Variants in CSMD1 observed in about 807,000 individuals in gnomAD.
CSMD1 encodes the protein CUB and sushi domain-containing protein 1.
Under a neutral mutation model 417.5 loss-of-function variants are expected in CSMD1, and 213 were observed. The observed-to-expected ratio is 0.51, with a 90% CI of 0.46 to 0.57. CSMD1 has a LOEUF of 0.57. CSMD1 is among the 20% of genes least tolerant of loss of function. The pLI, the probability that CSMD1 is intolerant of heterozygous loss-of-function variation, is 0.00. For synonymous variants in CSMD1, 2,862 were observed against 1,736.8 expected, an observed-to-expected ratio of 1.65 and a Z score of -16.11; for missense variants, 6,923 against 4,529.7, an observed-to-expected ratio of 1.53 and a Z score of -15.17.
In CSMD1 at chr8:3,691,154, G is replaced by C. The variant is rs550921856; in HGVS notation, c.1009+17260C>G. ...GGCCGGGGCAGGCGGATCACCTGAG[G>C]TCAGGAGTTTGAGACCAGCGTGACC... On this transcript the variant is annotated intron_variant, in intron 7 of 69. Coordinates refer to ENST00000635120, the MANE Select transcript of CSMD1 (RefSeq NM_033225.6). 2.0e-5 allele frequency among the ~76,000 whole-genome samples: 3 copies of C among 152,110 alleles called. No individual in the cohort carries two copies. In the South Asian group the frequency reaches 6.2e-4, roughly 32 times the overall value.
intron 2 of CSMD1, among the ~76,000 whole-genome samples, chr8:4,578,980 T>G (rs1799279096): frequency 6.6e-6 from 1 of 152,024 alleles, no homozygotes; most frequent in African/African-American, 2.4e-5. Context: ...AAACAGCATC[T>G]TTTCATTAAT....
intron 15 of CSMD1, among the ~76,000 whole-genome samples, chr8:3,405,311 A>C (rs1205124756): frequency 6.6e-6 from 1 of 152,246 alleles, no homozygotes; most frequent in African/African-American, 2.4e-5. Context: ...TACTCTAAGT[A>C]AACATTTTTA....
At chr8:3,711,284 A>C (rs9942729) in intron 6 of CSMD1, among the ~76,000 whole-genome samples, 2 of 152,028 alleles carry the variant, frequency 1.3e-5, no homozygotes, top group Non-Finnish European at 2.9e-5. Context: ...AGCCATGAAT[A>C]GACCACAGGG....
intron 6 of CSMD1, among the ~76,000 whole-genome samples, chr8:3,745,617 A>C (rs1183024915): frequency 1.3e-5 from 2 of 152,008 alleles, no homozygotes; most frequent in Non-Finnish European, 2.9e-5. Context: ...CATTCTGAGC[A>C]CTCCACTGAG....
At chr8:2,972,553 T>A (rs1186754468) in intron 57 of CSMD1, among the ~76,000 whole-genome samples, 1 of 152,178 alleles carries the variant, frequency 6.6e-6, no homozygotes, top group Admixed American at 6.5e-5. Context: ...CTATAAGGTG[T>A]CCGTGGCTAT....
At chr8:3,215,374 G>C (rs1387443293) in intron 29 of CSMD1, among the ~76,000 whole-genome samples, 1 of 152,204 alleles carries the variant, frequency 6.6e-6, no homozygotes, top group African/African-American at 2.4e-5. Flanking sequence ...TTCTACCTTA[G>C]TTAAAATAAT....
At chr8:3,649,476 G>T (rs1321877536) in intron 7 of CSMD1, among the ~76,000 whole-genome samples, 1 of 152,138 alleles carries the variant, frequency 6.6e-6, no homozygotes, top group Non-Finnish European at 1.5e-5. Context: ...CATCATGGCT[G>T]GGGAGGCCTC....
chr8:4,323,476 G>C (rs564364529), intron 3 of CSMD1, among the ~76,000 whole-genome samples: 1 of 114,606 alleles, frequency 8.7e-6, no homozygotes, highest in South Asian at 2.5e-4. Flanking sequence ...TACATAATGG[G>C]ACTAGGGCTT....
chr8:4,694,438 GC>G (rs994006231), intron 1 of CSMD1, among the ~76,000 whole-genome samples: 4 of 151,866 alleles, frequency 2.6e-5, no homozygotes, highest in Non-Finnish European at 5.9e-5. Flanking sequence ...TGCAACCCCT[GC>G]CTCCCGGATT....
intron 3 of CSMD1, among the ~76,000 whole-genome samples, chr8:4,179,394 G>C (rs895060364): frequency 6.6e-6 from 1 of 152,104 alleles, no homozygotes; most frequent in African/African-American, 2.4e-5. Context: ...GCTGAAGCTG[G>C]ATCCCTTCCT....
chr8:4,287,842 G>C (rs1033571463), intron 3 of CSMD1, among the ~76,000 whole-genome samples: 2 of 151,954 alleles, frequency 1.3e-5, no homozygotes, highest in African/African-American at 4.8e-5. Flanking sequence ...AGTGGGAGAA[G>C]TGCCTCCCCT....
intron 1 of CSMD1, among the ~76,000 whole-genome samples, chr8:4,837,389 C>G (rs367621821): frequency 2.0e-4 from 30 of 152,250 alleles, no homozygotes; most frequent in African/African-American, 7.0e-4. Context: ...GGTACATAGA[C>G]ACCATGGAGT....
At chr8:3,727,241 G>T (rs746303712) in intron 6 of CSMD1, among the ~76,000 whole-genome samples, 2 of 152,178 alleles carry the variant, frequency 1.3e-5, no homozygotes, top group Non-Finnish European at 2.9e-5. Context: ...ATTATCACAA[G>T]AGGAAAACTA....
At chr8:4,265,213 T>A (rs1804165020) in intron 3 of CSMD1, among the ~76,000 whole-genome samples, 1 of 151,938 alleles carries the variant, frequency 6.6e-6, no homozygotes, top group Admixed American at 6.6e-5. Flanking sequence ...TATTTAAAAA[T>A]TATTTAGTTA....
At chr8:4,512,748 T>C (rs11786720) in intron 2 of CSMD1, among the ~76,000 whole-genome samples, 26,891 of 151,458 alleles carry the variant, frequency 0.18, 2,529 homozygotes, top group Middle Eastern at 0.22. Context: ...ACAAAATGTA[T>C]ATGAAGAACT....
chr8:4,707,114 A>C (rs957797025), intron 1 of CSMD1, among the ~76,000 whole-genome samples: 1 of 152,212 alleles, frequency 6.6e-6, no homozygotes, highest in South Asian at 2.1e-4. Context: ...GCAGATACTA[A>C]ATACAGCCAG....
chr8:2,997,618 G>A (rs1807023092), intron 54 of CSMD1, among the ~76,000 whole-genome samples: 1 of 152,088 alleles, frequency 6.6e-6, no homozygotes, highest in Non-Finnish European at 1.5e-5. Context: ...TACGTTTAAA[G>A]AAATGAATCA....
At chr8:3,826,530 G>C (rs552577194) in intron 5 of CSMD1, among the ~76,000 whole-genome samples, 16 of 152,170 alleles carry the variant, frequency 1.1e-4, no homozygotes, top group African/African-American at 3.6e-4. Flanking sequence ...CAGATGTTCT[G>C]TCTTCCAAGT....
chr8:3,600,255 G>A (rs1221472573), intron 8 of CSMD1, among the ~76,000 whole-genome samples: 1 of 152,118 alleles, frequency 6.6e-6, no homozygotes, highest in Non-Finnish European at 1.5e-5. Context: ...GTATAAATAG[G>A]AAGCTTAGGT....
Sources: allele counts gnomAD v4.1 joint callset (sites outside exome capture counted in the v4.1 genomes callset), GRCh38; gene constraint gnomAD v4.1.1; transcripts MANE v1.5; gene names NCBI Gene and HGNC (gene_info 2026-07-23, HGNC 2026-07-21).